The following NAV2 variants were observed in gnomAD, a reference collection of about 807,000 sequenced individuals.
NAV2 encodes the protein helicase, APC down-regulated 1.
NAV2 carries 54 observed loss-of-function variants against 223.2 expected under a neutral mutation model. The observed-to-expected ratio is 0.24, with a 90% confidence interval of 0.19 to 0.30. The LOEUF (loss-of-function observed/expected upper bound fraction) is 0.30. NAV2 is among the 10% of genes least tolerant of loss of function. The pLI, the probability that NAV2 is intolerant of heterozygous loss-of-function variation, is 1.00. For missense variants in NAV2, 2,806 were observed against 3,147.5 expected, an observed-to-expected ratio of 0.89 and a Z score of 2.60; for synonymous variants, 1,279 against 1,239.3, an observed-to-expected ratio of 1.03 and a Z score of -0.67.
chr11:20,020,151 T>G (rs1190467742), intron 11 of NAV2, among the ~76,000 whole-genome samples: 1 of 152,234 alleles, frequency 6.6e-6, no homozygotes, highest in Non-Finnish European at 1.5e-5. Flanking sequence ...TAGAAATAAG[T>G]GAACATCTTT....
intron 1 of NAV2, among the ~76,000 whole-genome samples, chr11:19,556,431 GA>G (rs1425842094): frequency 6.6e-6 from 1 of 152,218 alleles, no homozygotes; most frequent in African/African-American, 2.4e-5. Context: ...AGAGTGGCAG[GA>G]AAATCTGAAC....
chr11:19,736,194 G>A (rs1207377502), intron 1 of NAV2, among the ~76,000 whole-genome samples: 2 of 152,192 alleles, frequency 1.3e-5, no homozygotes, highest in African/African-American at 4.8e-5. Context: ...CATGGCTTTT[G>A]ATCATGAAGC....
At chr11:20,113,360 A>G (rs1047303921) in intron 36 of NAV2, among the ~76,000 whole-genome samples, 4 of 152,350 alleles carry the variant, frequency 2.6e-5, no homozygotes, top group Admixed American at 2.6e-4. Flanking sequence ...TGTGTAATAT[A>G]CAGAGCCTCG....
At chr11:19,490,823 A>G (rs2042600462) in intron 1 of NAV2, among the ~76,000 whole-genome samples, 1 of 152,232 alleles carries the variant, frequency 6.6e-6, no homozygotes, top group African/African-American at 2.4e-5. Context: ...CATATGAGAA[A>G]TCATAATCCA....
At chr11:19,663,943 C>T (rs545221224) in intron 1 of NAV2, among the ~76,000 whole-genome samples, 13 of 152,306 alleles carry the variant, frequency 8.5e-5, no homozygotes, top group Admixed American at 2.6e-4. Context: ...ATACCCATGG[C>T]AGGCACCGCT....
intron 1 of NAV2, among the ~76,000 whole-genome samples, chr11:19,721,669 A>G (rs931694278): frequency 1.2e-4 from 18 of 152,272 alleles, no homozygotes; most frequent in Non-Finnish European, 2.2e-4. Context: ...TAGCTCCTGG[A>G]TGAGGAAAAC....
At chr11:19,918,789 A>G (rs1021202378) in intron 6 of NAV2, among the ~76,000 whole-genome samples, 11 of 152,234 alleles carry the variant, frequency 7.2e-5, no homozygotes, top group Non-Finnish European at 7.3e-5. Context: ...TCATGCAGTC[A>G]TTCAGTGACT....
At chr11:20,064,867 G>A (rs2058939253) in intron 20 of NAV2, among the ~76,000 whole-genome samples, 2 of 152,082 alleles carry the variant, frequency 1.3e-5, no homozygotes, top group South Asian at 4.2e-4. Context: ...AAGTCATCTG[G>A]TTATTCAGAG....
At chr11:19,917,628 T>C (rs1203511089) in intron 6 of NAV2, among the ~76,000 whole-genome samples, 2 of 152,202 alleles carry the variant, frequency 1.3e-5, no homozygotes, top group East Asian at 3.8e-4. Context: ...TTTTTGTTTT[T>C]GTTTGAGACA....
At chr11:20,101,923 G>A (rs1001619072) in intron 32 of NAV2, among the ~76,000 whole-genome samples, 1 of 152,168 alleles carries the variant, frequency 6.6e-6, no homozygotes, top group Non-Finnish European at 1.5e-5. Flanking sequence ...AGAATCAAAG[G>A]TGGATTGGAA....
chr11:19,398,017 G>T (rs1849532477), intron 1 of NAV2, among the ~76,000 whole-genome samples: 4 of 152,180 alleles, frequency 2.6e-5, no homozygotes, highest in Admixed American at 2.6e-4. Flanking sequence ...AACAGACTGG[G>T]GAAATGGCAC....
chr11:19,909,475 A>T lies in NAV2; in HGVS notation c.931+16881A>T, dbSNP rs78452479. Among the ~76,000 whole-genome samples the T allele has an allele frequency of 3.9e-5, 6 of 152,362 alleles. No homozygotes were observed. In the East Asian group the frequency reaches 1.2e-3, roughly 29 times the overall value. Reference sequence around the variant, plus strand: ...GTTTATCTTTCTGCCTCTGATCCAGATAAAAACAGATTGTAACTTTGAGTT... The same window carrying T: ...GTTTATCTTTCTGCCTCTGATCCAGTTAAAAACAGATTGTAACTTTGAGTT... On this transcript the variant is annotated intron_variant, in intron 6 of 37. Coordinates refer to ENST00000349880, the MANE Select transcript of NAV2 (RefSeq NM_145117.5).
At chr11:19,772,667 C>A (rs1196342159) in intron 1 of NAV2, among the ~76,000 whole-genome samples, 2 of 152,178 alleles carry the variant, frequency 1.3e-5, no homozygotes, top group African/African-American at 4.8e-5. Context: ...TGCTTCTGAT[C>A]CTTCTTTTGT....
At chr11:19,730,120 C>T (rs2051621239) in intron 1 of NAV2, among the ~76,000 whole-genome samples, 1 of 152,242 alleles carries the variant, frequency 6.6e-6, no homozygotes, top group Non-Finnish European at 1.5e-5. Flanking sequence ...TGTCATGAAT[C>T]TTCCACAGTT....
chr11:19,940,361 G>A (rs1427649738), intron 8 of NAV2, among the ~76,000 whole-genome samples: 1 of 152,152 alleles, frequency 6.6e-6, no homozygotes, highest in African/African-American at 2.4e-5. Context: ...AGTTAATTCT[G>A]CAAGCATTTA....
intron 11 of NAV2, among the ~76,000 whole-genome samples, chr11:19,999,216 G>T (rs2052286281): frequency 1.3e-5 from 2 of 152,292 alleles, no homozygotes; most frequent in South Asian, 4.1e-4. Context: ...TGCTGTTGTG[G>T]CACACAGTGA....
At chr11:19,856,387 T>C (rs2061406008) in intron 3 of NAV2, among the ~76,000 whole-genome samples, 1 of 152,260 alleles carries the variant, frequency 6.6e-6, no homozygotes, top group Non-Finnish European at 1.5e-5. Context: ...GGCATGTAGC[T>C]CTTTGCCTTT....
intron 1 of NAV2, among the ~76,000 whole-genome samples, chr11:19,787,102 T>C (rs1438607335): frequency 6.6e-6 from 1 of 151,844 alleles, no homozygotes; most frequent in East Asian, 1.9e-4. Flanking sequence ...TTTATTTTAT[T>C]TTTTTTGAGA....
intron 1 of NAV2, among the ~76,000 whole-genome samples, chr11:19,392,022 C>T (rs1005580740): frequency 3.3e-5 from 5 of 152,264 alleles, no homozygotes; most frequent in South Asian, 4.1e-4. Context: ...ATACATTAAA[C>T]TCCTGACTAG....
Sources: allele counts gnomAD v4.1 joint callset (sites outside exome capture counted in the v4.1 genomes callset), GRCh38; gene constraint gnomAD v4.1.1; transcripts MANE v1.5; gene names NCBI Gene and HGNC (gene_info 2026-07-23, HGNC 2026-07-21).